Variants in SYNE2 observed in about 807,000 individuals in gnomAD.
SYNE2 encodes spectrin repeat containing nuclear envelope protein 2.
Under a neutral mutation model 856.3 loss-of-function variants are expected in SYNE2, and 431 were observed. That is an observed-to-expected ratio of 0.50 (90% CI 0.47 to 0.55). The LOEUF is 0.55. Among genes scored for constraint, SYNE2 ranks in the 20% least tolerant of loss-of-function variants. The probability of loss-of-function intolerance (pLI) is 0.00; values close to 1 mark genes in which losing one functional copy is unlikely to be tolerated. For missense variants in SYNE2, 8,129 were observed against 8,023.2 expected, an observed-to-expected ratio of 1.01 and a Z score of -0.50; for synonymous variants, 2,923 against 2,872.3, an observed-to-expected ratio of 1.02 and a Z score of -0.56.
At chr14:63,802,993 C>T (rs1192411498) in intron 1 of SYNE2, among the ~76,000 whole-genome samples, 1 of 152,144 alleles carries the variant, frequency 6.6e-6, no homozygotes, top group African/African-American at 2.4e-5. Flanking sequence ...AACAAAACTT[C>T]CACAGTGTGG....
rs34440267 is a variant in SYNE2 at position 63,976,540 on chromosome 14, CTTTTTTTTT to C, written c.1129-12_1129-4del. On this transcript the variant is annotated splice_polypyrimidine_tract_variant and intron_variant, in intron 11 of 115. Transcript: ENST00000555002. ...GAAAAGTTCTACTGAAGAATATGTT[CTTTTTTTTT>C]TTTTTTTTTTCAGATTAATGCATGG... is the stretch of plus-strand genomic sequence containing the variant. 23 of 1,361,768 alleles carry C rather than the reference CTTTTTTTTT, an allele frequency of 1.7e-5. No homozygotes were observed. Among genetic ancestry groups the C allele is most frequent in the African/African-American group, 3.5e-5 (2 of 56,944 alleles). The allele number at this position is 1,361,768 out of a possible 1,614,324, so 84.4% of individuals were successfully genotyped here.
At chr14:63,898,321 C>T (rs2095286895) in intron 1 of SYNE2, among the ~76,000 whole-genome samples, 1 of 152,148 alleles carries the variant, frequency 6.6e-6, no homozygotes, top group Non-Finnish European at 1.5e-5. Context: ...TATTCAATGC[C>T]CAGTCCCTGT....
In SYNE2 at chr14:64,158,783, G is replaced by A. The variant is rs371691907; in HGVS notation, c.15951G>A (p.Val5317=). ...CATTGGAGACCTTGAGATGCCAGGT[G>A]GAGAACCTTCAGGTAAATTAACCAG... is the stretch of plus-strand genomic sequence containing the variant. The part of the protein sequence containing the change: ...VLSLETLRCQ[V]ENLQSLQDEA... Residue 5317 remains valine, a synonymous_variant, in exon 86 of 116, where the codon GTG becomes GTA. Transcript: ENST00000555002. 7 of 1,613,730 alleles carry A rather than the reference G, an allele frequency of 4.3e-6. No homozygotes were observed. The highest frequency in any genetic ancestry group is 1.3e-5 in the African/African-American group (1 of 74,876).
At chr14:63,862,824 A>T (rs1465211369) in intron 1 of SYNE2, among the ~76,000 whole-genome samples, 1 of 151,136 alleles carries the variant, frequency 6.6e-6, no homozygotes, top group Admixed American at 6.6e-5. Context: ...TTGGAGACAG[A>T]GTCTCACTCT....
chr14:64,196,787 A>C (rs2098542504), intron 99 of SYNE2: 1 of 152,262 alleles, frequency 6.6e-6, no homozygotes, highest in African/African-American at 2.4e-5. Context: ...CTGTAGCGTC[A>C]GAACAAAGAC....
intron 2 of SYNE2, among the ~76,000 whole-genome samples, chr14:63,932,553 C>T (rs865977026): frequency 5.3e-5 from 8 of 151,430 alleles, no homozygotes; most frequent in Admixed American, 1.3e-4. Flanking sequence ...TAAAAAAATA[C>T]GAAAATTAGG....
chr14:63,795,335 C>A (rs1439850912), intron 1 of SYNE2, among the ~76,000 whole-genome samples: 1 of 152,078 alleles, frequency 6.6e-6, no homozygotes, highest in African/African-American at 2.4e-5. Context: ...CGCCTCCCAG[C>A]CTACATCTTT....
chr14:64,136,816 CT>C (rs1367869541), intron 78 of SYNE2, among the ~76,000 whole-genome samples: 1 of 152,054 alleles, frequency 6.6e-6, no homozygotes, highest in Admixed American at 6.6e-5. Flanking sequence ...TTTATTTATC[CT>C]CTTCATATCT....
chr14:63,990,633 G>T, intron 20 of SYNE2, 64 bp downstream of exon 20: 7 of 1,404,422 alleles, frequency 5.0e-6, no homozygotes, highest in Non-Finnish European at 7.1e-6. Flanking sequence ...CACTGAGTGG[G>T]CAGTGAAGGG....
At chr14:64,188,881 G>T (rs781731199) in intron 98 of SYNE2, 173 bp downstream of exon 98, 1 of 745,186 alleles carries the variant, frequency 1.3e-6, no homozygotes, top group Admixed American at 2.0e-5. Flanking sequence ...AAGAGAGGAG[G>T]TTCCAGAGAG....
In SYNE2 at chr14:64,209,718, C is replaced by T. The variant is rs150418487; in HGVS notation, c.18540+140C>T. 310 of 1,299,128 alleles carry T rather than the reference C, an allele frequency of 2.4e-4. No homozygotes were observed. The African/African-American group carries it at 3.9e-3, about 16-fold the overall frequency. 80.5% of individuals were successfully genotyped at this position (1,299,128 alleles called of 1,614,324 possible). A position where few individuals can be genotyped will look rare whatever the true frequency, so the allele number is the denominator to read the frequency against. ...TGCCTAAACCACAGCCTGCCCCCAG[C>T]TGCTGAGACAGCTTTGCAAGACATT... On this transcript the variant is annotated intron_variant, in intron 102 of 115. Transcript: ENST00000555002.
intron 88 of SYNE2, 88 bp downstream of exon 88, chr14:64,162,364 C>T: frequency 7.4e-7 from 1 of 1,347,936 alleles, no homozygotes; most frequent in Non-Finnish European, 1.1e-6. Context: ...ACCAGACAGA[C>T]CACAGGGACA....
intron 1 of SYNE2, among the ~76,000 whole-genome samples, chr14:63,836,021 A>T (rs1038691260): frequency 3.3e-5 from 5 of 150,200 alleles, no homozygotes; most frequent in African/African-American, 7.3e-5. Flanking sequence ...CAAATATTTC[A>T]ATTAATATTT....
chr14:64,124,437 A>G (rs1206799193), intron 70 of SYNE2, among the ~76,000 whole-genome samples: 2 of 146,612 alleles, frequency 1.4e-5, no homozygotes, highest in Non-Finnish European at 3.0e-5. Flanking sequence ...CTGGTCTTGA[A>G]CTCCCTTGCA....
At chr14:64,044,402 G>A (rs999833989) in intron 45 of SYNE2, among the ~76,000 whole-genome samples, 2 of 152,170 alleles carry the variant, frequency 1.3e-5, no homozygotes, top group African/African-American at 4.8e-5. Context: ...TGATTTTACA[G>A]GCTCATAGGC....
rs764965406 is a variant in SYNE2, at chr14:64,141,996, A to G, written c.15214A>G (p.Met5072Val). 1 of 1,614,144 alleles carries G rather than the reference A, an allele frequency of 6.2e-7. No homozygotes were observed. The highest frequency in any genetic ancestry group is 1.1e-5 in the South Asian group (1 of 91,076). The change falls in exon 82 of 116, where the codon ATG becomes GTG. Residue 5072 changes from methionine (M) to valine (V), a missense_variant. Around this residue, in one of 3 missense-constraint regions of SYNE2, gnomAD observed 5,410 missense variants for 5,284.8 expected, o/e 1.02. Transcript: ENST00000555002. ...RKAITEMISW[M>V]NNVEHQTSDE... Reference sequence around the variant, plus strand: ...AGCAATCACAGAAATGATTAGCTGGATGAACAATGTGGAGCATCAAACTTC... The same window carrying G: ...AGCAATCACAGAAATGATTAGCTGGGTGAACAATGTGGAGCATCAAACTTC...
intron 1 of SYNE2, among the ~76,000 whole-genome samples, chr14:63,768,511 C>T (rs890916469): frequency 6.6e-6 from 1 of 152,132 alleles, no homozygotes; most frequent in Admixed American, 6.5e-5. Context: ...AAGTGCATAG[C>T]ATAGAGCCTC....
In SYNE2 at chr14:64,223,267, G is replaced by A; in HGVS notation, c.20269G>A (p.Gly6757Arg). The change falls in exon 113 of 116, where the codon GGA becomes AGA. Residue 6757 changes from glycine to arginine, a missense_variant. Transcript: ENST00000555002. ...GATTTCAAACAGCCTTCTCATTAAG[G>A]GACATGGAGAAGACTGTATTGAAGC... ...QEISNSLLIK[G>R]HGEDCIEAEE... 1 of 1,614,172 alleles carries A rather than the reference G, an allele frequency of 6.2e-7. No homozygotes were observed. The highest frequency in any genetic ancestry group is 1.7e-5 in the Admixed American group (1 of 60,024).
chr14:63,990,833 A>G, intron 20 of SYNE2, 109 bp from the exon 21 acceptor site: 1 of 897,176 alleles, frequency 1.1e-6, no homozygotes, highest in Non-Finnish European at 1.8e-6. Flanking sequence ...TAATTTAGAT[A>G]GATATCTAAA....
Sources: gnomAD v4.1 joint callset for allele counts (sites outside exome capture counted in the v4.1 genomes callset) on GRCh38, gnomAD v4.1.1 for gene constraint, gnomAD v4.1.1 regional missense constraint, MANE v1.5 for transcripts, NCBI Gene and HGNC (gene_info 2026-07-23, HGNC 2026-07-21) for gene names.